Variants in EHBP1 observed in about 807,000 individuals in gnomAD.
EHBP1 encodes EH domain binding protein 1.
A neutral mutation model predicts 144.0 loss-of-function variants in EHBP1; 55 were observed. The observed-to-expected ratio is 0.38, with a 90% CI of 0.31 to 0.48. The LOEUF is 0.48. Ranked by LOEUF, EHBP1 falls within the 20% of genes least tolerant of loss-of-function variation. The pLI is 0.98. For synonymous variants in EHBP1, 469 were observed against 472.7 expected (o/e 0.99, Z 0.10); for missense variants, 1,200 against 1,364.2 (o/e 0.88, Z 1.90).
At chr2:62,681,048 C>G (rs1174338756) in intron 1 of EHBP1, among the ~76,000 whole-genome samples, 1 of 151,828 alleles carries the variant, frequency 6.6e-6, no homozygotes, top group Non-Finnish European at 1.5e-5. Flanking sequence ...CGTGATGGCT[C>G]ATGCCTGTAA....
intron 3 of EHBP1, among the ~76,000 whole-genome samples, chr2:62,755,884 G>A (rs1573160966): frequency 6.6e-6 from 1 of 151,740 alleles, no homozygotes; most frequent in Non-Finnish European, 1.5e-5. Context: ...TAATTAGCTT[G>A]AATGCCACAT....
intron 15 of EHBP1, 82 bp downstream of exon 15, chr2:62,979,417 A>C: frequency 7.0e-7 from 1 of 1,420,950 alleles, no homozygotes; most frequent in Non-Finnish European, 9.5e-7. Flanking sequence ...TTCTTACTTC[A>C]AAATGTTGCT....
chr2:62,986,443 C>CT (rs397869234), intron 15 of EHBP1, among the ~76,000 whole-genome samples: 2,805 of 135,624 alleles, frequency 0.021, 44 homozygotes, highest in Middle Eastern at 0.037. Context: ...TTCTTTTTTC[C>CT]TTTTTTTTTT....
chr2:62,782,067 A>G (rs1327632301), intron 5 of EHBP1, among the ~76,000 whole-genome samples: 1 of 152,226 alleles, frequency 6.6e-6, no homozygotes, highest in Non-Finnish European at 1.5e-5. Flanking sequence ...CCATGTCTTC[A>G]AACTCTGAAA....
intron 14 of EHBP1, among the ~76,000 whole-genome samples, chr2:62,975,269 G>T (rs2058661689): frequency 6.6e-6 from 1 of 152,170 alleles, no homozygotes; most frequent in African/African-American, 2.4e-5. Flanking sequence ...AAAGGGTATG[G>T]CCTTTTCTGA....
intron 10 of EHBP1, among the ~76,000 whole-genome samples, chr2:62,896,283 G>A (rs185362202): frequency 1.3e-5 from 2 of 152,226 alleles, no homozygotes; most frequent in African/African-American, 4.8e-5. Flanking sequence ...ATCGAAAAAA[G>A]GCTATGTAAC....
At chr2:62,699,105 G>A (rs1463553521) in intron 1 of EHBP1, among the ~76,000 whole-genome samples, 3 of 152,132 alleles carry the variant, frequency 2.0e-5, no homozygotes, top group Non-Finnish European at 4.4e-5. Flanking sequence ...GCTTTTCTTT[G>A]CCTTTCCTGT....
chr2:62,997,356 T>A (rs1313363759), intron 19 of EHBP1, among the ~76,000 whole-genome samples: 1 of 151,604 alleles, frequency 6.6e-6, no homozygotes, highest in Non-Finnish European at 1.5e-5. Context: ...GAGGGCAGAT[T>A]GGCTTTCAAT....
chr2:62,856,215 G>A (rs1164921842), intron 7 of EHBP1, among the ~76,000 whole-genome samples: 1 of 152,208 alleles, frequency 6.6e-6, no homozygotes, highest in Admixed American at 6.5e-5. Context: ...GCTGAAACAT[G>A]CCCCTTGCTC....
intron 3 of EHBP1, among the ~76,000 whole-genome samples, chr2:62,759,266 CT>C (rs2040559441): frequency 1.3e-5 from 2 of 152,286 alleles, no homozygotes; most frequent in African/African-American, 4.8e-5. Flanking sequence ...AATAATCTGC[CT>C]TTCCTAACTA....
intron 19 of EHBP1, among the ~76,000 whole-genome samples, chr2:63,020,939 A>G (rs1363774999): frequency 6.7e-6 from 1 of 150,102 alleles, no homozygotes; most frequent in East Asian, 1.9e-4. Flanking sequence ...TGGCCTCCCA[A>G]AGTGCTGGGA....
chr2:62,859,050 C>T, intron 7 of EHBP1, 119 bp from the exon 8 acceptor site: 1 of 936,028 alleles, frequency 1.1e-6, no homozygotes, highest in Non-Finnish European at 1.6e-6. Flanking sequence ...TGGTAAAATG[C>T]TATATACTAT....
intron 1 of EHBP1, among the ~76,000 whole-genome samples, chr2:62,689,127 C>T (rs912672575): frequency 3.3e-5 from 5 of 152,150 alleles, no homozygotes; most frequent in African/African-American, 1.2e-4. Flanking sequence ...CTTTCAAAGC[C>T]TATAGTTATT....
At chr2:62,996,892 GCTGCGATTTGCAGCCA>G (rs776216483) in intron 19 of EHBP1, 126 bp downstream of exon 19, 1 of 1,371,440 alleles carries the variant, frequency 7.3e-7, no homozygotes, top group Non-Finnish European at 9.9e-7. Context: ...AAATAAAAAG[GCTGCGATTTGCAGCCA>G]CCTCTCTGGG....
intron 10 of EHBP1, among the ~76,000 whole-genome samples, chr2:62,913,411 T>A (rs1164671463): frequency 2.0e-5 from 3 of 152,210 alleles, no homozygotes; most frequent in African/African-American, 7.2e-5. Flanking sequence ...TTAGGAGTTT[T>A]AAAAGTATAA....
intron 13 of EHBP1, among the ~76,000 whole-genome samples, chr2:62,949,396 C>G (rs1418062447): frequency 6.6e-6 from 1 of 151,996 alleles, no homozygotes; most frequent in Non-Finnish European, 1.5e-5. Context: ...TAGCGAGTCC[C>G]TGTCTCAAGA....
intron 13 of EHBP1, among the ~76,000 whole-genome samples, chr2:62,953,665 T>TA (rs2057529509): frequency 2.6e-5 from 4 of 152,136 alleles, no homozygotes; most frequent in Non-Finnish European, 4.4e-5. Flanking sequence ...TCTACAGTTA[T>TA]TATCTCTGGG....
intron 15 of EHBP1, among the ~76,000 whole-genome samples, chr2:62,979,893 T>C (rs2153196970): frequency 6.6e-6 from 1 of 152,268 alleles, no homozygotes; most frequent in Admixed American, 6.5e-5. Flanking sequence ...TATATATATA[T>C]AAAATTAAAG....
At chr2:62,976,282 C>A (rs1477402781) in intron 14 of EHBP1, among the ~76,000 whole-genome samples, 1 of 152,078 alleles carries the variant, frequency 6.6e-6, no homozygotes, top group Admixed American at 6.6e-5. Flanking sequence ...CATTAACCTA[C>A]CCCCATTAAT....
Sources: gnomAD v4.1 joint callset for allele counts (sites outside exome capture counted in the v4.1 genomes callset) on GRCh38, gnomAD v4.1.1 for gene constraint, MANE v1.5 for transcripts, NCBI Gene and HGNC (gene_info 2026-07-23, HGNC 2026-07-21) for gene names.